ADGRB3: variants seen among roughly 807,000 people sequenced by gnomAD.
ADGRB3 encodes the protein brain-specific angiogenesis inhibitor 3.
ADGRB3 carries 37 observed loss-of-function variants against 193.4 expected under a neutral mutation model. The observed-to-expected ratio is 0.19, with a 90% CI of 0.15 to 0.25. The LOEUF (loss-of-function observed/expected upper bound fraction) is 0.25, where lower values mean the gene tolerates loss of function less well. ADGRB3 is among the 10% of genes least tolerant of loss of function. The pLI is 1.00. For synonymous variants in ADGRB3, 690 were observed against 644.2 expected (o/e 1.07, Z -1.08); for missense variants, 1,637 against 1,852.9 (o/e 0.88, Z 2.14).
chr6:68,936,562 G>A lies in ADGRB3; in HGVS notation c.912G>A (p.Ser304=), dbSNP rs751023708. The A allele has an allele frequency of 2.2e-5, 36 of 1,613,850 alleles. No individual in the cohort carries two copies. In the Admixed American group the frequency reaches 3.2e-4, roughly 14 times the overall value. The stretch of plus-strand genomic sequence containing the variant: ...AGTGGTCCCAGTGGAGCACATGTTC[G>A]GTTACTTGTGGTCAAGGGTCGCAGG... ...VEEWSQWSTC[S]VTCGQGSQVR... Residue 304 remains serine, a synonymous_variant, in exon 5 of 32, where the codon TCG becomes TCA. Coordinates refer to ENST00000370598, the MANE Select transcript of ADGRB3 (RefSeq NM_001704.3).
intron 3 of ADGRB3, among the ~76,000 whole-genome samples, chr6:68,899,666 C>T (rs1441284766): frequency 6.6e-6 from 1 of 151,866 alleles, no homozygotes; most frequent in Non-Finnish European, 1.5e-5. Flanking sequence ...GTATATGTGC[C>T]ACATTTTCTT....
At chr6:68,871,740 G>C (rs895848377) in intron 3 of ADGRB3, among the ~76,000 whole-genome samples, 1 of 151,974 alleles carries the variant, frequency 6.6e-6, no homozygotes, top group African/African-American at 2.4e-5. Flanking sequence ...GACAAAAAGG[G>C]CTTTAAAGTC....
chr6:69,058,814 G>T (rs1039448830), intron 15 of ADGRB3, among the ~76,000 whole-genome samples: 5 of 152,000 alleles, frequency 3.3e-5, no homozygotes, highest in Admixed American at 3.3e-4. Flanking sequence ...AAGATACTTG[G>T]TAAGATTTCA....
At chr6:68,815,222 T>A (rs1421724808) in intron 3 of ADGRB3, among the ~76,000 whole-genome samples, 4 of 152,284 alleles carry the variant, frequency 2.6e-5, no homozygotes, top group Non-Finnish European at 4.4e-5. Context: ...CTTTGAGTGT[T>A]CAATGGGGAG....
intron 17 of ADGRB3, among the ~76,000 whole-genome samples, chr6:69,176,901 T>C (rs181269164): frequency 4.4e-4 from 67 of 152,358 alleles, no homozygotes; most frequent in Non-Finnish European, 7.5e-4. Context: ...CTCTAGATTT[T>C]CTAGTTTGTC....
At chr6:69,006,973 T>G (rs2150281992) in intron 11 of ADGRB3, among the ~76,000 whole-genome samples, 1 of 152,246 alleles carries the variant, frequency 6.6e-6, no homozygotes, top group South Asian at 2.1e-4. Context: ...ATTCACAAAT[T>G]TTTACCTCTT....
At chr6:68,786,247 G>A (rs1368598863) in intron 3 of ADGRB3, among the ~76,000 whole-genome samples, 1 of 89,630 alleles carries the variant, frequency 1.1e-5, no homozygotes, top group Non-Finnish European at 2.4e-5. Flanking sequence ...GTCCTGAATG[G>A]TATTGCCTAG....
intron 30 of ADGRB3, among the ~76,000 whole-genome samples, chr6:69,375,294 T>C (rs1769791913): frequency 6.6e-6 from 1 of 152,076 alleles, no homozygotes; most frequent in Non-Finnish European, 1.5e-5. Flanking sequence ...TGAGGATAGA[T>C]TGTAGCAGGG....
rs558130901 is a variant in ADGRB3 at position 68,854,028 on chromosome 6, T to A, written c.758-76531T>A. On this transcript the variant is annotated intron_variant, in intron 3 of 31. Transcript: ENST00000370598. ...CTGCCTGCTCATTTCTTGCTGTGAT[T>A]GTTTTGTAGTGATCTATATAAAAAT... Among the ~76,000 whole-genome samples, 5 of 152,328 alleles carry A rather than the reference T, an allele frequency of 3.3e-5. No homozygotes were observed. In the East Asian group the frequency reaches 7.7e-4, roughly 23 times the overall value.
chr6:69,032,144 T>C (rs1770730860), intron 13 of ADGRB3, among the ~76,000 whole-genome samples: 1 of 152,176 alleles, frequency 6.6e-6, no homozygotes, highest in South Asian at 2.1e-4. Context: ...GCAAGTGGCT[T>C]TCTATTTCCC....
intron 22 of ADGRB3, 50 bp from the exon 23 acceptor site, chr6:69,330,456 C>G: frequency 6.8e-7 from 1 of 1,468,924 alleles, no homozygotes; most frequent in Non-Finnish European, 9.4e-7. Flanking sequence ...CGTTAGTGGT[C>G]TAATACTTGT....
chr6:68,755,334 G>A (rs145754785), intron 3 of ADGRB3, among the ~76,000 whole-genome samples: 23 of 152,302 alleles, frequency 1.5e-4, no homozygotes, highest in Admixed American at 1.5e-3. Flanking sequence ...GGAGGTTGGA[G>A]GGGAGGTCCA....
At chr6:69,366,781 T>A (rs1417221401) in intron 29 of ADGRB3, among the ~76,000 whole-genome samples, 2 of 152,084 alleles carry the variant, frequency 1.3e-5, no homozygotes, top group Non-Finnish European at 2.9e-5. Context: ...AAAACAAAAA[T>A]AAAAAGTCAC....
At chr6:69,337,370 A>G (rs1048529357) in intron 24 of ADGRB3, among the ~76,000 whole-genome samples, 2 of 152,176 alleles carry the variant, frequency 1.3e-5, no homozygotes, top group South Asian at 4.1e-4. Flanking sequence ...GAGAAGTGGT[A>G]CTTGTTCCTG....
chr6:69,110,875 T>C (rs1773348146), intron 17 of ADGRB3, among the ~76,000 whole-genome samples: 1 of 152,212 alleles, frequency 6.6e-6, no homozygotes, highest in Non-Finnish European at 1.5e-5. Context: ...TAATGGGATA[T>C]GCATGATTAG....
At chr6:68,950,807 C>A (rs1767896502) in intron 6 of ADGRB3, among the ~76,000 whole-genome samples, 1 of 152,220 alleles carries the variant, frequency 6.6e-6, no homozygotes, top group Admixed American at 6.5e-5. Flanking sequence ...GGACTACATA[C>A]AGTATAGTCC....
intron 3 of ADGRB3, among the ~76,000 whole-genome samples, chr6:68,837,413 T>A (rs1326307775): frequency 6.6e-6 from 1 of 152,220 alleles, no homozygotes; most frequent in Non-Finnish European, 1.5e-5. Context: ...TTTACATTAA[T>A]CATAGCTATA....
chr6:69,339,589 G>A, intron 26 of ADGRB3, 85 bp downstream of exon 26: 2 of 1,442,818 alleles, frequency 1.4e-6, no homozygotes, highest in South Asian at 1.3e-5. Context: ...ATATCTTGAT[G>A]TTCAGATTAA....
chr6:69,037,323 A>G (rs1770902583), intron 13 of ADGRB3, among the ~76,000 whole-genome samples: 1 of 152,184 alleles, frequency 6.6e-6, no homozygotes, highest in African/African-American at 2.4e-5. Flanking sequence ...ATTAAATACC[A>G]TATTTCCTTG....
Sources: allele counts gnomAD v4.1 joint callset (sites outside exome capture counted in the v4.1 genomes callset), GRCh38; gene constraint gnomAD v4.1.1; transcripts MANE v1.5; gene names NCBI Gene and HGNC (gene_info 2026-07-23, HGNC 2026-07-21).